The following RAB31 variants were observed in gnomAD, a reference collection of about 807,000 sequenced individuals.
RAB31 encodes the protein RAB31, member RAS oncogene family.
RAB31 carries 21 observed loss-of-function variants against 25.6 expected under a neutral mutation model. The ratio of observed to expected loss-of-function variants is 0.82; its 90% CI spans 0.58 to 1.18. The LOEUF is 1.18. RAB31 is among the 50% of genes most tolerant of loss of function. RAB31 has a pLI of 0.00. For synonymous variants in RAB31, 87 were observed against 84.0 expected (o/e 1.04, Z -0.20); for missense variants, 196 against 250.1 (o/e 0.78, Z 1.46).
At chr18:9,813,095 C>T (rs1032922287) in intron 3 of RAB31, among the ~76,000 whole-genome samples, 3 of 152,214 alleles carry the variant, frequency 2.0e-5, no homozygotes, top group Non-Finnish European at 4.4e-5. Flanking sequence ...CTAATGACCT[C>T]TCCTGTCTGG....
chr18:9,824,518 G>T (rs972829606), intron 5 of RAB31, among the ~76,000 whole-genome samples: 5 of 152,116 alleles, frequency 3.3e-5, no homozygotes, highest in African/African-American at 1.2e-4. Flanking sequence ...GTGTAAGCTT[G>T]TCAATTCTTG....
intron 1 of RAB31, among the ~76,000 whole-genome samples, chr18:9,752,556 C>CA (rs2068240926): frequency 6.6e-6 from 1 of 152,194 alleles, no homozygotes; most frequent in Non-Finnish European, 1.5e-5. Context: ...CAAAACTGTG[C>CA]AACCTGGAGG....
intron 1 of RAB31, among the ~76,000 whole-genome samples, chr18:9,719,360 G>T: frequency 8.1e-6 from 1 of 124,182 alleles, no homozygotes; most frequent in African/African-American, 3.1e-5. Flanking sequence ...TTATGAGGGA[G>T]GGGAAATGAT....
At chr18:9,756,991 T>C (rs2068263282) in intron 1 of RAB31, among the ~76,000 whole-genome samples, 1 of 152,244 alleles carries the variant, frequency 6.6e-6, no homozygotes, top group African/African-American at 2.4e-5. Flanking sequence ...GCTGACATGC[T>C]CCTACCAGAG....
chr18:9,767,671 G>T (rs1242760984), intron 1 of RAB31, among the ~76,000 whole-genome samples: 2 of 152,138 alleles, frequency 1.3e-5, no homozygotes, highest in South Asian at 2.1e-4. Flanking sequence ...GGATTAAGTA[G>T]TCGCGATCTA....
At position 9,708,483 on chromosome 18, in the gene RAB31, G is replaced by T. The variant is rs1335917662; in HGVS notation, c.39+39G>T. ...GCCACCCGCCGGCGGACCCCGGCCC[G>T]CGCTCTCGCGCCCCTTCGCTCCCCT... On this transcript the variant is annotated intron_variant, in intron 1 of 6. Coordinates refer to ENST00000578921, the MANE Select transcript of RAB31 (RefSeq NM_006868.4). This position sits in a 1 kb window ranked among gnomAD's most constrained non-coding sequence, Gnocchi z 6.4. The T allele has an allele frequency of 2.0e-6, 3 of 1,524,424 alleles. No individual in the cohort carries two copies. The highest frequency in any genetic ancestry group is 2.6e-6 in the Non-Finnish European group (3 of 1,133,358). The allele number at this position is 1,524,424 out of a possible 1,614,324, so 94.4% of individuals were successfully genotyped here.
At chr18:9,755,479 C>T (rs2068256134) in intron 1 of RAB31, among the ~76,000 whole-genome samples, 1 of 152,178 alleles carries the variant, frequency 6.6e-6, no homozygotes, top group South Asian at 2.1e-4. Context: ...TTTTGGTAAG[C>T]TAAGGCTGTA....
At chr18:9,779,996 G>A (rs1339004039) in intron 2 of RAB31, among the ~76,000 whole-genome samples, 2 of 151,980 alleles carry the variant, frequency 1.3e-5, no homozygotes, top group African/African-American at 2.4e-5. Context: ...GCAACAGGGC[G>A]AAACTTGGTC....
chr18:9,761,916 C>T (rs1324170951), intron 1 of RAB31, among the ~76,000 whole-genome samples: 3 of 152,176 alleles, frequency 2.0e-5, no homozygotes, highest in Non-Finnish European at 4.4e-5. Context: ...AAACGATTCT[C>T]GTGCCTCAGC....
chr18:9,805,758 G>A (rs1390423939), intron 3 of RAB31, among the ~76,000 whole-genome samples: 2 of 152,194 alleles, frequency 1.3e-5, no homozygotes, highest in African/African-American at 4.8e-5. Context: ...TACATTTGAT[G>A]TAAACCTGTG....
intron 2 of RAB31, among the ~76,000 whole-genome samples, chr18:9,775,729 C>T (rs151091222): frequency 1.4e-4 from 22 of 152,300 alleles, no homozygotes; most frequent in Non-Finnish European, 2.9e-4. Context: ...GCCATCCACC[C>T]GTACCTCAGC....
At chr18:9,733,891 G>A (rs1430476708) in intron 1 of RAB31, among the ~76,000 whole-genome samples, 2 of 152,170 alleles carry the variant, frequency 1.3e-5, no homozygotes, top group African/African-American at 4.8e-5. Flanking sequence ...TAGGAGGCAT[G>A]GTTACTGGGG....
chr18:9,768,043 A>G (rs1488076483), intron 1 of RAB31, among the ~76,000 whole-genome samples: 1 of 152,218 alleles, frequency 6.6e-6, no homozygotes, highest in African/African-American at 2.4e-5. Flanking sequence ...TGCAAAGGAC[A>G]TGAACTCATC....
intron 3 of RAB31, among the ~76,000 whole-genome samples, chr18:9,796,698 T>C (rs1244902666): frequency 2.6e-5 from 4 of 152,134 alleles, no homozygotes; most frequent in Admixed American, 2.6e-4. Flanking sequence ...TGATTATAGC[T>C]TTACCCACTT....
intron 3 of RAB31, among the ~76,000 whole-genome samples, chr18:9,800,983 A>G (rs1159655679): frequency 6.6e-6 from 1 of 152,114 alleles, no homozygotes; most frequent in Non-Finnish European, 1.5e-5. Flanking sequence ...CCCCCTCTAC[A>G]TCCCCCAGCC....
chr18:9,724,228 G>A (rs936383824), intron 1 of RAB31, among the ~76,000 whole-genome samples: 3 of 117,198 alleles, frequency 2.6e-5, no homozygotes, highest in African/African-American at 6.7e-5. Context: ...CCGAGATCCC[G>A]CCACTGCACT....
At chr18:9,844,123 T>C (rs919890466) in intron 5 of RAB31, among the ~76,000 whole-genome samples, 3 of 152,110 alleles carry the variant, frequency 2.0e-5, no homozygotes, top group Non-Finnish European at 1.5e-5. Context: ...TCCAGATTCT[T>C]CTCCTCACCT....
chr18:9,720,112 C>A (rs1010930819), intron 1 of RAB31, among the ~76,000 whole-genome samples: 2 of 152,176 alleles, frequency 1.3e-5, no homozygotes, highest in African/African-American at 4.8e-5. Flanking sequence ...TACACGCATG[C>A]ACCACCATGC....
At chr18:9,838,679 C>T (rs971951354) in intron 5 of RAB31, among the ~76,000 whole-genome samples, 48 of 152,190 alleles carry the variant, frequency 3.2e-4, no homozygotes, top group Non-Finnish European at 3.1e-4. Context: ...TGCTGGAGCC[C>T]GCAAGAATGT....
Sources: gnomAD v4.1 joint callset for allele counts (sites outside exome capture counted in the v4.1 genomes callset) on GRCh38, gnomAD v4.1.1 for gene constraint, Gnocchi (gnomAD v3.1) non-coding constraint, MANE v1.5 for transcripts, NCBI Gene and HGNC (gene_info 2026-07-23, HGNC 2026-07-21) for gene names.